The following KCNQ1 variants were observed in gnomAD, a reference collection of about 807,000 sequenced individuals.
The protein encoded by KCNQ1 is potassium voltage-gated channel subfamily KQT member 1.
In KCNQ1, 49 loss-of-function variants were observed where a neutral mutation model predicts 72.4. The observed-to-expected ratio is 0.68, with a 90% CI of 0.54 to 0.86. The LOEUF is 0.86. KCNQ1 is among the 40% of genes least tolerant of loss of function. The pLI is 0.00. For missense variants in KCNQ1, 790 were observed against 945.1 expected (o/e 0.84, Z 2.15); for synonymous variants, 450 against 412.6 (o/e 1.09, Z -1.10).
chr11:2,613,674 G>A lies in KCNQ1; in HGVS notation c.1393+24820G>A, dbSNP rs1849016583. On this transcript the variant is annotated intron_variant, in intron 10 of 15. Coordinates refer to ENST00000155840, the MANE Select transcript of KCNQ1 (RefSeq NM_000218.3). This position sits in a 1 kb window ranked among gnomAD's most constrained non-coding sequence, Gnocchi z 4.8. ...AGGTGCTCATTCCACCACCTCAGAA[G>A]TGGTCCCTATCTTGTTAATTTTATT... is the stretch of plus-strand genomic sequence containing the variant. 5.0e-6 allele frequency: 2 copies of A among 398,520 alleles called. No individual in the cohort carries two copies. Among genetic ancestry groups the A allele is most frequent in the Non-Finnish European group, 8.8e-6 (2 of 226,034 alleles). 24.7% of individuals were successfully genotyped at this position (398,520 alleles called of 1,614,324 possible).
chr11:2,761,680 C>T (rs538220215), intron 11 of KCNQ1, among the ~76,000 whole-genome samples: 3 of 152,302 alleles, frequency 2.0e-5, no homozygotes, highest in East Asian at 3.9e-4. Context: ...AGGAGCAAGC[C>T]GGGCCCTTCT....
At chr11:2,522,569 AATAAG>A (rs1259021408) in intron 1 of KCNQ1, among the ~76,000 whole-genome samples, 2 of 152,270 alleles carry the variant, frequency 1.3e-5, no homozygotes, top group Non-Finnish European at 2.9e-5. Flanking sequence ...TAAAGCGGTA[AATAAG>A]ATAAAACTCT....
intron 15 of KCNQ1, among the ~76,000 whole-genome samples, chr11:2,789,437 G>A (rs764608595): frequency 5.3e-5 from 8 of 152,230 alleles, no homozygotes; most frequent in African/African-American, 1.9e-4. Flanking sequence ...CCATAGAGAA[G>A]CGTGGTATAT....
At chr11:2,580,742 C>A (rs993063770) in intron 6 of KCNQ1, among the ~76,000 whole-genome samples, 1 of 152,240 alleles carries the variant, frequency 6.6e-6, no homozygotes, top group Non-Finnish European at 1.5e-5. Flanking sequence ...CTGACCCCCA[C>A]CTTGGGCGCT....
At chr11:2,524,945 T>C (rs1175646388) in intron 1 of KCNQ1, among the ~76,000 whole-genome samples, 2 of 152,186 alleles carry the variant, frequency 1.3e-5, no homozygotes, top group African/African-American at 4.8e-5. Context: ...CTCTGCTTCC[T>C]CGTGGCTGAG....
rs1849322402 is a variant in KCNQ1, at chr11:2,629,737, T to C, written c.1394-32224T>C. 1.0e-5 allele frequency: 4 copies of C among 398,422 alleles called. No homozygotes were observed. The South Asian group carries it at 3.8e-4, about 38-fold the overall frequency. 24.7% of individuals were successfully genotyped at this position (398,422 alleles called of 1,614,324 possible). ...TGTTTTTCAGGTTGTTTATTATTAG[T>C]GTATAGATACGCAAATGACTTCTGA... is the stretch of plus-strand genomic sequence containing the variant. On this transcript the variant is annotated intron_variant, in intron 10 of 15. Coordinates refer to ENST00000155840, the MANE Select transcript of KCNQ1 (RefSeq NM_000218.3).
At position 2,468,284 on chromosome 11, in the gene KCNQ1, C is replaced by T. The variant is rs1222683478; in HGVS notation, c.386+22800C>T. Among the ~76,000 whole-genome samples the T allele has an allele frequency of 6.6e-6, 1 of 152,152 alleles. No individual in the cohort carries two copies. The highest frequency in any genetic ancestry group is 2.4e-5 in the African/African-American group (1 of 41,434). On this transcript the variant is annotated intron_variant, in intron 1 of 15. Transcript: ENST00000155840. The surrounding 1 kb of genome is among the most constrained non-coding windows in gnomAD (Gnocchi z 5.7). ...GCCTCAGCCTCCTGAGTAGCTGGGA[C>T]TACAGATGCACACCACCACGCCTGG...
At chr11:2,510,674 G>T (rs73419549) in intron 1 of KCNQ1, among the ~76,000 whole-genome samples, 5,994 of 152,308 alleles carry the variant, frequency 0.039, 313 homozygotes, top group African/African-American at 0.12. Flanking sequence ...AATTGAAGCC[G>T]CACTGGTGTT....
chr11:2,709,220 G>GCCCCCCCCCCCCCCCCCCC (rs34617956), intron 11 of KCNQ1, among the ~76,000 whole-genome samples: 47 of 130,042 alleles, frequency 3.6e-4, no homozygotes, highest in Admixed American at 4.1e-4. Context: ...CGGCTTCCAG[G>GCCCCCCCCCCCCCCCCCCC]CCCCCCCCAC....
At position 2,608,097 on chromosome 11, in the gene KCNQ1, G is replaced by A. The variant is rs957456126; in HGVS notation, c.1393+19243G>A. Among the ~76,000 whole-genome samples, 7 of 152,116 alleles carry A rather than the reference G, an allele frequency of 4.6e-5. No individual in the cohort carries two copies. The highest frequency in any genetic ancestry group is 1.4e-4 in the African/African-American group (6 of 41,426). On this transcript the variant is annotated intron_variant, in intron 10 of 15. Coordinates refer to ENST00000155840, the MANE Select transcript of KCNQ1 (RefSeq NM_000218.3). The surrounding 1 kb of genome is among the most constrained non-coding windows in gnomAD (Gnocchi z 4.6). ...TTATAAGTTCTCTTTTCATGTTTTTGTCTGGTTTTGGTGTCAGGGTGATAC... is the reference window on the plus strand; with the variant it reads ...TTATAAGTTCTCTTTTCATGTTTTTATCTGGTTTTGGTGTCAGGGTGATAC...
chr11:2,685,916 C>T (rs921047082), intron 11 of KCNQ1: 1 of 398,786 alleles, frequency 2.5e-6, no homozygotes, highest in African/African-American at 2.1e-5. Flanking sequence ...ATGAGCCTGA[C>T]CAAGTTCTGG....
rs1244062786 is a variant in KCNQ1 at position 2,446,755 on chromosome 11, C to A, written c.386+1271C>A. 6.6e-6 allele frequency among the ~76,000 whole-genome samples: 1 copy of A among 152,222 alleles called. No homozygotes were observed. Among genetic ancestry groups the A allele is most frequent in the Non-Finnish European group, 1.5e-5 (1 of 68,036 alleles). On this transcript the variant is annotated intron_variant, in intron 1 of 15. Transcript: ENST00000155840. This position sits in a 1 kb window ranked among gnomAD's most constrained non-coding sequence, Gnocchi z 8.8. ...TTGGAGACTTTTCCCCACCCCAGCT[C>A]CCAAGCCCCTGTCTCCTGACATGTC...
chr11:2,548,142 T>C (rs1229228551), intron 2 of KCNQ1, among the ~76,000 whole-genome samples: 1 of 152,070 alleles, frequency 6.6e-6, no homozygotes, highest in Non-Finnish European at 1.5e-5. Context: ...AGGCCCAGGA[T>C]AAGGTGGCGG....
At chr11:2,844,590 C>T (rs1001615065) in intron 15 of KCNQ1, among the ~76,000 whole-genome samples, 4 of 152,166 alleles carry the variant, frequency 2.6e-5, no homozygotes, top group African/African-American at 9.7e-5. Flanking sequence ...TACACGGTGC[C>T]GGGACTCCCT....
intron 10 of KCNQ1, chr11:2,656,736 C>T (rs1429159660): frequency 5.0e-6 from 2 of 398,420 alleles, no homozygotes; most frequent in Non-Finnish European, 8.8e-6. Flanking sequence ...TGTCAAATTA[C>T]TCAGTCTTCT....
At position 2,620,212 on chromosome 11, in the gene KCNQ1, T is replaced by TATATG. The variant is rs749794052; in HGVS notation, c.1393+31358_1393+31359insATATG. The TATATG allele has an allele frequency of 2.5e-5, 5 of 202,280 alleles. No individual in the cohort carries two copies. The highest frequency in any genetic ancestry group is 1.6e-4 in the African/African-American group (5 of 31,374). The allele number at this position is 202,280 out of a possible 1,614,324, so 12.5% of individuals were successfully genotyped here. A position where few individuals can be genotyped will look rare whatever the true frequency, so the allele number is the denominator to read the frequency against. On this transcript the variant is annotated intron_variant, in intron 10 of 15. Coordinates refer to ENST00000155840, the MANE Select transcript of KCNQ1 (RefSeq NM_000218.3). The surrounding 1 kb of genome is among the most constrained non-coding windows in gnomAD (Gnocchi z 4.5). Reference sequence around the variant, plus strand: ...AAGTTCATTCATGTATATATATATATTTTTTTTTTTTATTTTTTTTTTAGA... The same window carrying TATATG: ...AAGTTCATTCATGTATATATATATATATATGTTTTTTTTTTTATTTTTTTTTTAGA...
intron 12 of KCNQ1, among the ~76,000 whole-genome samples, chr11:2,775,297 A>C (rs1218828977): frequency 6.6e-6 from 1 of 152,206 alleles, no homozygotes; most frequent in East Asian, 1.9e-4. Context: ...TTATAGGCTT[A>C]GAGCTGGCAA....
chr11:2,519,347 C>T (rs956711307), intron 1 of KCNQ1, among the ~76,000 whole-genome samples: 11 of 152,236 alleles, frequency 7.2e-5, no homozygotes, highest in Admixed American at 6.5e-4. Context: ...TGGGCGTGGA[C>T]GTGACCCTCT....
intron 11 of KCNQ1, among the ~76,000 whole-genome samples, chr11:2,763,328 C>T (rs980221519): frequency 6.7e-6 from 1 of 150,184 alleles, no homozygotes; most frequent in East Asian, 1.9e-4. Flanking sequence ...ACTTGGGAGG[C>T]TGAAGTGAGA....
Sources: gnomAD v4.1 joint callset for allele counts (sites outside exome capture counted in the v4.1 genomes callset) on GRCh38, gnomAD v4.1.1 for gene constraint, Gnocchi (gnomAD v3.1) non-coding constraint, MANE v1.5 for transcripts, NCBI Gene and HGNC (gene_info 2026-07-23, HGNC 2026-07-21) for gene names.